CSMD2: variants seen among roughly 807,000 people sequenced by gnomAD.
CSMD2 encodes the protein CUB and Sushi multiple domains 2, also known as CUB and sushi domain-containing protein 2.
Under a neutral mutation model 398.5 loss-of-function variants are expected in CSMD2, and 130 were observed. The ratio of observed to expected loss-of-function variants is 0.33; its 90% CI spans 0.28 to 0.38. The LOEUF (loss-of-function observed/expected upper bound fraction) is 0.38, where lower values mean the gene tolerates loss of function less well. Among genes scored for constraint, CSMD2 ranks in the 10% least tolerant of loss-of-function variants. The pLI, the probability that CSMD2 is intolerant of heterozygous loss-of-function variation, is 1.00. For missense variants in CSMD2, 3,829 were observed against 4,764.9 expected (o/e 0.80, Z 5.78); for synonymous variants, 1,828 against 1,908.5 (o/e 0.96, Z 1.10).
At chr1:33,972,106 G>A (rs1645793433) in intron 3 of CSMD2, among the ~76,000 whole-genome samples, 1 of 152,192 alleles carries the variant, frequency 6.6e-6, no homozygotes, top group Non-Finnish European at 1.5e-5. Context: ...TAGGTGGTGG[G>A]AAACTGCAGA....
chr1:33,757,033 C>T (rs1156607266), intron 13 of CSMD2, among the ~76,000 whole-genome samples: 1 of 151,972 alleles, frequency 6.6e-6, no homozygotes, highest in Non-Finnish European at 1.5e-5. Flanking sequence ...TGGAAATCAT[C>T]ATTCTCAGTA....
chr1:33,570,267 A>G (rs1429647871), intron 51 of CSMD2, among the ~76,000 whole-genome samples: 1 of 150,014 alleles, frequency 6.7e-6, no homozygotes, highest in East Asian at 2.0e-4. Context: ...TCCTAGGTTC[A>G]AACAATTCTT....
intron 48 of CSMD2, among the ~76,000 whole-genome samples, chr1:33,578,928 T>C (rs1397687391): frequency 5.3e-5 from 8 of 152,232 alleles, no homozygotes. Flanking sequence ...CTGTGTCCTA[T>C]GTGTGCTGTA....
At chr1:33,744,400 C>T (rs969346353) in intron 13 of CSMD2, among the ~76,000 whole-genome samples, 2 of 152,136 alleles carry the variant, frequency 1.3e-5, no homozygotes, top group African/African-American at 4.8e-5. Flanking sequence ...GAGACCAAAG[C>T]TTCTGAAGAA....
chr1:33,795,755 C>G (rs1215780838), intron 10 of CSMD2, among the ~76,000 whole-genome samples: 1 of 152,240 alleles, frequency 6.6e-6, no homozygotes, highest in Non-Finnish European at 1.5e-5. Context: ...CCATGAACTC[C>G]TGGAGGGCAG....
intron 1 of CSMD2, among the ~76,000 whole-genome samples, chr1:34,140,111 A>G (rs1021583410): frequency 6.6e-6 from 1 of 152,124 alleles, no homozygotes; most frequent in African/African-American, 2.4e-5. Flanking sequence ...ATAATAAATT[A>G]ATGGCTTTGA....
chr1:34,138,798 G>T (rs1013980015), intron 1 of CSMD2, among the ~76,000 whole-genome samples: 1 of 151,942 alleles, frequency 6.6e-6, no homozygotes, highest in Admixed American at 6.6e-5. Context: ...ACCCTTGCCA[G>T]CATATACTCC....
At chr1:33,679,092 G>T (rs1644816560) in intron 25 of CSMD2, among the ~76,000 whole-genome samples, 1 of 152,032 alleles carries the variant, frequency 6.6e-6, no homozygotes, top group African/African-American at 2.4e-5. Flanking sequence ...CCCTGTAGGT[G>T]TCAGGGATTC....
chr1:33,845,400 G>A (rs138905174), intron 6 of CSMD2, among the ~76,000 whole-genome samples: 169 of 152,350 alleles, frequency 1.1e-3, no homozygotes, highest in Non-Finnish European at 1.9e-3. Flanking sequence ...ATGTGGAATC[G>A]ATGTGTGATC....
At chr1:33,670,090 C>G (rs750579442) in intron 25 of CSMD2, among the ~76,000 whole-genome samples, 1 of 152,158 alleles carries the variant, frequency 6.6e-6, no homozygotes, top group African/African-American at 2.4e-5. Flanking sequence ...TCTTCTACCC[C>G]CTGACTGATG....
chr1:33,605,329 T>G lies in CSMD2; in HGVS notation c.6485A>C (p.Gln2162Pro). ...GTCCCAGTTCCGGTTGGTGCCATGT[T>G]GACACGTGAGGACAGGGTGGCCAGT... ...QLTGHPVLTC[Q>P]HGTNRNWDHP... The change falls in exon 42 of 71, where the codon CAA (glutamine) becomes CCA (proline). Residue 2162 changes from glutamine to proline, a missense_variant. Around this residue, in one of 5 missense-constraint regions of CSMD2, gnomAD observed 723 missense variants for 758.6 expected, o/e 0.95. Transcript: ENST00000373381. 1 of 1,614,196 alleles carries G rather than the reference T, an allele frequency of 6.2e-7. No individual in the cohort carries two copies. The highest frequency in any genetic ancestry group is 8.5e-7 in the Non-Finnish European group (1 of 1,180,024).
rs199866272 is a variant in CSMD2 at position 33,864,703 on chromosome 1, G to A, written c.921-17707C>T. The A allele has an allele frequency of 3.2e-5, 52 of 1,613,224 alleles. No individual in the cohort carries two copies. The highest frequency in any genetic ancestry group is 5.0e-5 in the Admixed American group (3 of 59,940). On this transcript the variant is annotated intron_variant, in intron 5 of 70. Coordinates refer to ENST00000373381, the MANE Select transcript of CSMD2 (RefSeq NM_001281956.2). ...CAATGTAATGCCAGGAAGAAGTACCGAATGTCAGCTAGAAACCGGTGCAGA... is the reference window on the plus strand; with the variant it reads ...CAATGTAATGCCAGGAAGAAGTACCAAATGTCAGCTAGAAACCGGTGCAGA...
At chr1:34,083,984 C>CA (rs796906555) in intron 2 of CSMD2, among the ~76,000 whole-genome samples, 7,618 of 143,628 alleles carry the variant, frequency 0.053, 396 homozygotes, top group African/African-American at 0.14. Flanking sequence ...CATCATCAAT[C>CA]AAAAAAAAAA....
chr1:33,675,090 G>A (rs189006700), intron 25 of CSMD2, among the ~76,000 whole-genome samples: 138 of 152,148 alleles, frequency 9.1e-4, no homozygotes, highest in Middle Eastern at 6.8e-3. Context: ...CTAGCAGAAG[G>A]CAAGAAATAA....
intron 3 of CSMD2, among the ~76,000 whole-genome samples, chr1:33,971,584 TCA>T (rs1645765619): frequency 6.6e-6 from 1 of 152,140 alleles, no homozygotes; most frequent in Non-Finnish European, 1.5e-5. Context: ...GCTCTTGGAG[TCA>T]CATCCTCGTG....
rs528263462 is a variant in CSMD2, at chr1:33,977,855, A to G, written c.518-41901T>C. Among the ~76,000 whole-genome samples, 109 of 152,248 alleles carry G rather than the reference A, an allele frequency of 7.2e-4. 2 individuals are homozygous for G. Among genetic ancestry groups the G allele is most frequent in the African/African-American group, 2.6e-3 (108 of 41,544 alleles). On this transcript the variant is annotated intron_variant, in intron 3 of 70. Transcript: ENST00000373381. ...TTTGGTCAGGACATAAAAGGATATA[A>G]ACATTAAATTAGAAAAAAATCGCAA...
At chr1:33,909,847 T>G (rs1212424699) in intron 5 of CSMD2, among the ~76,000 whole-genome samples, 3 of 152,178 alleles carry the variant, frequency 2.0e-5, no homozygotes, top group Non-Finnish European at 4.4e-5. Flanking sequence ...TCCCAGCACA[T>G]CCAGCCTTAT....
At chr1:33,572,837 G>T in intron 49 of CSMD2, 146 bp from the exon 50 acceptor site, 1 of 524,974 alleles carries the variant, frequency 1.9e-6, no homozygotes, top group South Asian at 5.6e-5. Context: ...GAAAATGGGA[G>T]GATCATCAGC....
chr1:33,600,780 A>T, intron 44 of CSMD2, 85 bp downstream of exon 44: 1 of 1,412,952 alleles, frequency 7.1e-7, no homozygotes, highest in South Asian at 1.2e-5. Flanking sequence ...AGGTCACATG[A>T]TCCGCAAATG....
Sources: allele counts gnomAD v4.1 joint callset (sites outside exome capture counted in the v4.1 genomes callset), GRCh38; gene constraint gnomAD v4.1.1; regional missense constraint gnomAD v4.1.1; transcripts MANE v1.5; gene names NCBI Gene and HGNC (gene_info 2026-07-23, HGNC 2026-07-21).